The following HOPX variants were observed in gnomAD, a reference collection of about 807,000 sequenced individuals.
HOPX encodes the protein HOP homeobox.
In HOPX, 5 loss-of-function variants were observed where a neutral mutation model predicts 11.8. The observed-to-expected ratio is 0.43, with a 90% CI of 0.22 to 0.89. The LOEUF (loss-of-function observed/expected upper bound fraction) is 0.89, where lower values mean the gene tolerates loss of function less well. HOPX is among the 40% of genes least tolerant of loss of function. The pLI is 0.28. For missense variants in HOPX, 119 were observed against 120.0 expected, an observed-to-expected ratio of 0.99 and a Z score of 0.04; for synonymous variants, 49 against 49.7, an observed-to-expected ratio of 0.99 and a Z score of 0.06.
At chr4:56,678,721 C>A (rs925652191) in intron 1 of HOPX, 2 of 152,102 alleles carry the variant, frequency 1.3e-5, no homozygotes, top group Admixed American at 1.3e-4. Context: ...GCTGGGGTTA[C>A]AGGCATGAGC....
intron 2 of HOPX, chr4:56,656,232 G>A (rs1344554458): frequency 6.0e-6 from 7 of 1,158,220 alleles, no homozygotes; most frequent in Non-Finnish European, 7.6e-6. Flanking sequence ...GTTGCGGGCT[G>A]ACGGCAGAGC....
rs1005786570 is a variant in HOPX, at chr4:56,674,016, A to T, written c.-84+7239T>A. Among the ~76,000 whole-genome samples the T allele has an allele frequency of 4.0e-5, 6 of 151,368 alleles. 1 individual carries two copies. Among genetic ancestry groups the T allele is most frequent in the African/African-American group, 1.5e-4 (6 of 40,806 alleles). On this transcript the variant is annotated intron_variant, in intron 1 of 3. Coordinates refer to ENST00000420433, the MANE Select transcript of HOPX (RefSeq NM_032495.6). ...CACTGCACCCAGCCCTAATTTTACT[A>T]TTGTTTAGTCAACTATTGTTTAACT... is the stretch of plus-strand genomic sequence containing the variant.
intron 1 of HOPX, among the ~76,000 whole-genome samples, chr4:56,672,068 T>C (rs536253763): frequency 9.9e-5 from 15 of 152,184 alleles, no homozygotes; most frequent in African/African-American, 3.4e-4. Flanking sequence ...AGGATATAAT[T>C]GGGCAACAAA....
Position 56,668,274 on chromosome 4 carries a change from G to A in HOPX, c.-83-10375C>T, listed in dbSNP as rs146135825. Among the ~76,000 whole-genome samples the A allele has an allele frequency of 8.5e-3, 1,290 of 152,284 alleles. 26 individuals are homozygous for A. Among genetic ancestry groups the A allele is most frequent in the African/African-American group, 0.029 (1,222 of 41,548 alleles). ...GTGTCATAGATGAAATAAAGAAAGC[G>A]AACAAAGGAGAATGGAAATATCAGT... On this transcript the variant is annotated intron_variant, in intron 1 of 3. Transcript: ENST00000420433.
chr4:56,656,715 C>T (rs1474833361), intron 2 of HOPX, among the ~76,000 whole-genome samples: 1 of 152,210 alleles, frequency 6.6e-6, no homozygotes, highest in Non-Finnish European at 1.5e-5. Flanking sequence ...GATTGAGACA[C>T]GGGAGAAACT....
intron 3 of HOPX, among the ~76,000 whole-genome samples, chr4:56,652,396 G>C (rs1039972826): frequency 6.6e-6 from 1 of 152,184 alleles, no homozygotes; most frequent in Non-Finnish European, 1.5e-5. Flanking sequence ...TTAAGAATAT[G>C]ATTCCATTTC....
intron 1 of HOPX, among the ~76,000 whole-genome samples, chr4:56,661,165 T>A (rs182217073): frequency 1.1e-4 from 17 of 152,232 alleles, no homozygotes; most frequent in Admixed American, 1.0e-3. Flanking sequence ...AAAGAACTTT[T>A]TTTTTAGTTT....
At chr4:56,666,803 T>C (rs7671992) in intron 1 of HOPX, among the ~76,000 whole-genome samples, 3 of 152,240 alleles carry the variant, frequency 2.0e-5, no homozygotes, top group Admixed American at 2.0e-4. Flanking sequence ...ATGATTGTTA[T>C]GAATTCAGAA....
intron 2 of HOPX, chr4:56,656,431 C>T (rs1717744680): frequency 1.0e-6 from 1 of 989,864 alleles, no homozygotes; most frequent in Non-Finnish European, 1.2e-6. Flanking sequence ...GGGACCTCCC[C>T]TGGGGACAGA....
At chr4:56,650,666 G>A (rs898564046) in intron 3 of HOPX, 109 of 1,551,386 alleles carry the variant, frequency 7.0e-5, no homozygotes, top group Non-Finnish European at 9.2e-5. Flanking sequence ...TTACACAGTT[G>A]TCAAGATCTT....
At chr4:56,668,644 C>A (rs1358347372) in intron 1 of HOPX, among the ~76,000 whole-genome samples, 1 of 152,152 alleles carries the variant, frequency 6.6e-6, no homozygotes, top group Non-Finnish European at 1.5e-5. Flanking sequence ...ATTGAAATTG[C>A]CGGTCTGAGC....
chr4:56,666,152 G>A (rs945941015), intron 1 of HOPX, among the ~76,000 whole-genome samples: 2 of 151,942 alleles, frequency 1.3e-5, no homozygotes, highest in Non-Finnish European at 2.9e-5. Context: ...AAAACCACCG[G>A]CACTACCAGC....
intron 1 of HOPX, 126 bp from the exon 2 acceptor site, chr4:56,658,025 C>T (rs1412243291): frequency 1.4e-6 from 1 of 706,234 alleles, no homozygotes; most frequent in Non-Finnish European, 2.2e-6. Flanking sequence ...GAACCACCCA[C>T]CACTGCTTGC....
At chr4:56,675,590 G>C (rs936037611) in intron 1 of HOPX, among the ~76,000 whole-genome samples, 2 of 151,668 alleles carry the variant, frequency 1.3e-5, no homozygotes, top group African/African-American at 4.9e-5. Flanking sequence ...TATTGTAAAA[G>C]ATAGATGTAG....
Position 56,656,552 on chromosome 4 carries a change from C to T in HOPX, c.43-540G>A, listed in dbSNP as rs1037227108. 32 of 856,398 alleles carry T rather than the reference C, an allele frequency of 3.7e-5. No homozygotes were observed. In the African/African-American group the frequency reaches 5.9e-4, roughly 16 times the overall value. The allele number at this position is 856,398 out of a possible 1,614,324, so 53.0% of individuals were successfully genotyped here. On this transcript the variant is annotated intron_variant, in intron 2 of 3. Coordinates refer to ENST00000420433, the MANE Select transcript of HOPX (RefSeq NM_032495.6). ...GTGGGTTGGCGCTTTGGGGCCCTCT[C>T]CAGGCAGGGCTGCACACCCCACCCT...
intron 1 of HOPX, among the ~76,000 whole-genome samples, chr4:56,676,017 C>A (rs937547322): frequency 6.6e-6 from 1 of 151,736 alleles, no homozygotes; most frequent in African/African-American, 2.4e-5. Context: ...AGGAAGCTGG[C>A]CAGGTGTGGT....
chr4:56,657,586 G>A lies in HOPX; in HGVS notation c.42+189C>T, dbSNP rs142639722. ...GAGTCTGGCTCAAGTCACTTGCCAA[G>A]CCACCATGAAATCCCATGTTTTTAG... On this transcript the variant is annotated intron_variant, in intron 2 of 3. Transcript: ENST00000420433. 1.5e-3 allele frequency among the ~76,000 whole-genome samples: 225 copies of A among 152,288 alleles called. 1 individual carries two copies. Among genetic ancestry groups the A allele is most frequent in the African/African-American group, 5.3e-3 (219 of 41,554 alleles).
intron 1 of HOPX, among the ~76,000 whole-genome samples, chr4:56,670,771 C>T (rs181981808): frequency 1.4e-4 from 22 of 152,108 alleles, no homozygotes; most frequent in East Asian, 5.8e-4. Context: ...CTGAGGCGAG[C>T]GGATTACTTG....
At chr4:56,651,706 T>C (rs1471822524) in intron 3 of HOPX, among the ~76,000 whole-genome samples, 2 of 152,190 alleles carry the variant, frequency 1.3e-5, no homozygotes, top group Non-Finnish European at 2.9e-5. Context: ...TTTAGAGGTC[T>C]TTATTCCACC....
Sources: gnomAD v4.1 joint callset for allele counts (sites outside exome capture counted in the v4.1 genomes callset) on GRCh38, gnomAD v4.1.1 for gene constraint, MANE v1.5 for transcripts, NCBI Gene and HGNC (gene_info 2026-07-23, HGNC 2026-07-21) for gene names.